VPS13D: variants seen among roughly 807,000 people sequenced by gnomAD.
The protein encoded by VPS13D is vacuolar protein sorting 13 homolog D, also known as intermembrane lipid transfer protein VPS13D.
In VPS13D, 187 loss-of-function variants were observed where a neutral mutation model predicts 461.9. The ratio of observed to expected loss-of-function variants is 0.40; its 90% CI spans 0.36 to 0.46. The LOEUF is 0.46. VPS13D is among the 20% of genes least tolerant of loss of function. The pLI is 0.60. For synonymous variants in VPS13D, 1,951 were observed against 1,986.3 expected (o/e 0.98, Z 0.47); for missense variants, 4,711 against 5,364.9 (o/e 0.88, Z 3.81).
At chr1:12,319,709 A>AGC in intron 32 of VPS13D, 79 bp downstream of exon 32, 3 of 1,595,316 alleles carry the variant, frequency 1.9e-6, no homozygotes, top group Non-Finnish European at 2.6e-6. Flanking sequence ...TTCCCTCTTA[A>AGC]ACTTTCATGA....
chr1:12,309,224 T>C (rs1415506184), intron 27 of VPS13D, among the ~76,000 whole-genome samples: 1 of 149,158 alleles, frequency 6.7e-6, no homozygotes. Flanking sequence ...TTTTTTTTTT[T>C]TTTTTGAGAT....
rs371981790 is a variant in VPS13D, at chr1:12,507,262, C to T, written c.13035+169C>T. On this transcript the variant is annotated intron_variant, in intron 69 of 69. Transcript: ENST00000620676. The surrounding 1 kb of genome is among the most constrained non-coding windows in gnomAD (Gnocchi z 5.3). ...ATGGGAGGGGCCCAGGGTATGTTCA[C>T]GGGGCGATGCTGCCCTCCCAGCTGG... The T allele has an allele frequency of 1.1e-5, 14 of 1,221,370 alleles. No individual in the cohort carries two copies. The highest frequency in any genetic ancestry group is 1.9e-4 in the Middle Eastern group (1 of 5,322). The allele number at this position is 1,221,370 out of a possible 1,614,324, so 75.7% of individuals were successfully genotyped here.
intron 52 of VPS13D, 88 bp downstream of exon 52, chr1:12,363,335 C>G: frequency 7.2e-7 from 1 of 1,398,046 alleles, no homozygotes; most frequent in Non-Finnish European, 9.8e-7. Context: ...AAAATGGGCA[C>G]AAATATTTCT....
At chr1:12,256,893 A>G in intron 8 of VPS13D, 94 bp from the exon 9 acceptor site, 2 of 1,322,580 alleles carry the variant, frequency 1.5e-6, no homozygotes, top group Non-Finnish European at 1.1e-6. Flanking sequence ...CAGTGGATCA[A>G]CTAATGTGAA....
chr1:12,307,338 T>C (rs1642595845), intron 26 of VPS13D, among the ~76,000 whole-genome samples: 1 of 152,102 alleles, frequency 6.6e-6, no homozygotes, highest in South Asian at 2.1e-4. Flanking sequence ...GTAAGGCTGT[T>C]GAGGCAGCAA....
chr1:12,267,161 CA>C, intron 14 of VPS13D, 150 bp downstream of exon 14: 2 of 835,436 alleles, frequency 2.4e-6, no homozygotes, highest in Non-Finnish European at 3.4e-6. Context: ...TGTTAAAGAG[CA>C]AATGTTGGTG....
intron 6 of VPS13D, among the ~76,000 whole-genome samples, chr1:12,252,604 T>A (rs1479175843): frequency 6.6e-6 from 1 of 151,712 alleles, no homozygotes; most frequent in East Asian, 1.9e-4. Context: ...AAACCCCATC[T>A]CTATTAAAAA....
At chr1:12,436,586 G>T (rs1347722271) in intron 65 of VPS13D, among the ~76,000 whole-genome samples, 1 of 152,172 alleles carries the variant, frequency 6.6e-6, no homozygotes, top group African/African-American at 2.4e-5. Context: ...TTCACTTTTT[G>T]AGCCTAGTAT....
At chr1:12,329,560 A>G (rs553817716) in intron 36 of VPS13D, among the ~76,000 whole-genome samples, 2 of 152,346 alleles carry the variant, frequency 1.3e-5, no homozygotes, top group African/African-American at 4.8e-5. Flanking sequence ...CCTGGGTGCC[A>G]GGGCTGGCAC....
chr1:12,355,581 A>T (rs999244071), intron 47 of VPS13D, among the ~76,000 whole-genome samples: 16 of 151,474 alleles, frequency 1.1e-4, no homozygotes, highest in Middle Eastern at 6.8e-3. Flanking sequence ...TAAAAATTTA[A>T]TTTTTTTTTG....
chr1:12,488,878 C>T (rs1645839452), intron 67 of VPS13D, among the ~76,000 whole-genome samples: 1 of 152,134 alleles, frequency 6.6e-6, no homozygotes, highest in African/African-American at 2.4e-5. Context: ...CCAATAAGCA[C>T]TACACTCTCT....
chr1:12,430,997 G>C (rs547769433), intron 65 of VPS13D, among the ~76,000 whole-genome samples: 1 of 152,324 alleles, frequency 6.6e-6, no homozygotes, highest in African/African-American at 2.4e-5. Context: ...ATTATATGGA[G>C]AGATAAAAGT....
In VPS13D at chr1:12,495,285, G is replaced by A. The variant is rs1166462596; in HGVS notation, c.12663-2215G>A. 6.6e-6 allele frequency among the ~76,000 whole-genome samples: 1 copy of A among 151,564 alleles called. No homozygotes were observed. The highest frequency in any genetic ancestry group is 1.5e-5 in the Non-Finnish European group (1 of 67,760). On this transcript the variant is annotated intron_variant, in intron 67 of 69. Transcript: ENST00000620676. This position sits in a 1 kb window ranked among gnomAD's most constrained non-coding sequence, Gnocchi z 4.0. ...CTGCCTCAGCCTCCTGAATAGCTGGGACTACAGGCGCCCGCCACTCCCCCG... is the reference window on the plus strand; with the variant it reads ...CTGCCTCAGCCTCCTGAATAGCTGGAACTACAGGCGCCCGCCACTCCCCCG...
intron 63 of VPS13D, among the ~76,000 whole-genome samples, chr1:12,413,547 G>T (rs1200833915): frequency 6.6e-6 from 1 of 152,162 alleles, no homozygotes; most frequent in Non-Finnish European, 1.5e-5. Flanking sequence ...TCTCAGCTTA[G>T]TGTGGCCTTG....
At chr1:12,486,781 C>T (rs575307216) in intron 67 of VPS13D, among the ~76,000 whole-genome samples, 2 of 152,326 alleles carry the variant, frequency 1.3e-5, no homozygotes, top group Admixed American at 6.5e-5. Flanking sequence ...CTCTGGGCTT[C>T]GGAAGCAGCA....
chr1:12,370,447 C>G (rs924482468), intron 54 of VPS13D, among the ~76,000 whole-genome samples: 7 of 152,138 alleles, frequency 4.6e-5, no homozygotes, highest in Admixed American at 1.3e-4. Context: ...AAGTCACATT[C>G]CTTTCCAAAA....
At position 12,455,029 on chromosome 1, in the gene VPS13D, A is replaced by G. The variant is rs568833763; in HGVS notation, c.12334-969A>G. 3.3e-5 allele frequency among the ~76,000 whole-genome samples: 5 copies of G among 152,354 alleles called. No individual in the cohort carries two copies. In the South Asian group the frequency reaches 8.3e-4, roughly 25 times the overall value. On this transcript the variant is annotated intron_variant, in intron 65 of 69. Coordinates refer to ENST00000620676, the MANE Select transcript of VPS13D (RefSeq NM_015378.4). ...CAGAGTTTTATGTCCTTTTTATCCCAGCTTTGATGGATGAGACAGCTTTTC... is the reference window on the plus strand; with the variant it reads ...CAGAGTTTTATGTCCTTTTTATCCCGGCTTTGATGGATGAGACAGCTTTTC...
intron 67 of VPS13D, among the ~76,000 whole-genome samples, chr1:12,466,156 C>T (rs1258443405): frequency 6.6e-6 from 1 of 151,542 alleles, no homozygotes; most frequent in East Asian, 1.9e-4. Context: ...AAATAGTCTG[C>T]AAAGAGAACT....
chr1:12,297,123 A>C (rs1374103564), intron 24 of VPS13D, among the ~76,000 whole-genome samples: 1 of 152,180 alleles, frequency 6.6e-6, no homozygotes. Flanking sequence ...TAAGATTAAG[A>C]GGCTATTTTG....
Sources: gnomAD v4.1 joint callset for allele counts (sites outside exome capture counted in the v4.1 genomes callset) on GRCh38, gnomAD v4.1.1 for gene constraint, Gnocchi (gnomAD v3.1) non-coding constraint, MANE v1.5 for transcripts, NCBI Gene and HGNC (gene_info 2026-07-23, HGNC 2026-07-21) for gene names.